Variants in ST7 observed in about 807,000 individuals in gnomAD.
The protein encoded by ST7 is suppression of tumorigenicity 7, also known as suppressor of tumorigenicity 7 protein.
Under a neutral mutation model 78.7 loss-of-function variants are expected in ST7, and 28 were observed. The observed-to-expected ratio is 0.36, with a 90% CI of 0.26 to 0.49. ST7 has a LOEUF of 0.49. Among genes scored for constraint, ST7 ranks in the 20% least tolerant of loss-of-function variants. ST7 has a pLI of 0.99. For missense variants in ST7, 418 were observed against 696.0 expected (o/e 0.60, Z 4.49); for synonymous variants, 247 against 249.6 (o/e 0.99, Z 0.10).
At chr7:117,118,315 A>G (rs904543941) in intron 2 of ST7, 4 of 152,262 alleles carry the variant, frequency 2.6e-5, no homozygotes, top group Admixed American at 2.6e-4. Flanking sequence ...ATTTCATGTA[A>G]GGGATACTCA....
At chr7:117,133,204 C>T (rs1485084773) in intron 6 of ST7, among the ~76,000 whole-genome samples, 1 of 151,832 alleles carries the variant, frequency 6.6e-6, no homozygotes, top group African/African-American at 2.4e-5. Flanking sequence ...GGGAAGTCTG[C>T]CTTCTTCCCC....
intron 13 of ST7, among the ~76,000 whole-genome samples, chr7:117,212,305 A>G (rs1792360787): frequency 6.6e-6 from 1 of 152,204 alleles, no homozygotes; most frequent in Non-Finnish European, 1.5e-5. Context: ...GTTCATTGAG[A>G]TCGGTGTCTT....
At chr7:117,059,128 C>G (rs1798213741) in intron 1 of ST7, among the ~76,000 whole-genome samples, 1 of 152,104 alleles carries the variant, frequency 6.6e-6, no homozygotes, top group Non-Finnish European at 1.5e-5. Context: ...TATTTGCCAG[C>G]ACAATGAGGT....
intron 2 of ST7, among the ~76,000 whole-genome samples, chr7:117,113,264 G>C (rs751798608): frequency 4.6e-5 from 7 of 152,226 alleles, no homozygotes; most frequent in Non-Finnish European, 1.0e-4. Flanking sequence ...GTGAAGACTA[G>C]AATTTAAATT....
chr7:117,077,833 T>C (rs983356760), intron 1 of ST7, among the ~76,000 whole-genome samples: 5 of 150,744 alleles, frequency 3.3e-5, no homozygotes, highest in African/African-American at 7.4e-5. Context: ...GAAAGAGGTA[T>C]TGATTTCTTT....
intron 1 of ST7, among the ~76,000 whole-genome samples, chr7:117,097,908 A>ATATATATATTTTTTTTTT: frequency 3.3e-5 from 1 of 30,012 alleles, no homozygotes; most frequent in Non-Finnish European, 5.4e-5. Flanking sequence ...ATATATATAT[A>ATATATATATTTTTTTTTT]TTTTTTTTTT....
intron 1 of ST7, among the ~76,000 whole-genome samples, chr7:116,977,487 A>T (rs1322906488): frequency 1.3e-5 from 2 of 152,246 alleles, no homozygotes; most frequent in East Asian, 3.8e-4. Context: ...TGCCTTGTAA[A>T]TATAATCTAA....
chr7:117,172,387 T>C (rs1015023914), intron 10 of ST7, among the ~76,000 whole-genome samples: 1 of 152,210 alleles, frequency 6.6e-6, no homozygotes, highest in African/African-American at 2.4e-5. Context: ...TTCTCAAATA[T>C]ATGGAAACGA....
intron 12 of ST7, among the ~76,000 whole-genome samples, chr7:117,196,043 T>C (rs1298019689): frequency 1.3e-5 from 2 of 152,246 alleles, no homozygotes; most frequent in African/African-American, 4.8e-5. Flanking sequence ...CTTATTTTAG[T>C]TAGCATAATG....
At chr7:117,155,302 T>C (rs1276921430) in intron 9 of ST7, among the ~76,000 whole-genome samples, 1 of 152,106 alleles carries the variant, frequency 6.6e-6, no homozygotes, top group East Asian at 1.9e-4. Context: ...ATGAGATGAA[T>C]TTGAAAAGGC....
chr7:116,985,096 T>C (rs1244222812), intron 1 of ST7, among the ~76,000 whole-genome samples: 1 of 152,154 alleles, frequency 6.6e-6, no homozygotes, highest in African/African-American at 2.4e-5. Flanking sequence ...TGTTGACCTT[T>C]GAGAATTGTA....
In ST7 at chr7:117,108,925, C is replaced by A. The variant is rs1303131377; in HGVS notation, c.234+9081C>A. On this transcript the variant is annotated intron_variant, in intron 2 of 15. Coordinates refer to ENST00000323984, the MANE Select transcript of ST7 (RefSeq NM_001369598.1). ...TGGTCGCTGTTGGTGTATAGCAGGGCTACTAATTTGCGTACATTAATTTTG... is the reference window on the plus strand; with the variant it reads ...TGGTCGCTGTTGGTGTATAGCAGGGATACTAATTTGCGTACATTAATTTTG... Among the ~76,000 whole-genome samples the A allele has an allele frequency of 4.6e-5, 7 of 152,092 alleles. No individual in the cohort carries two copies. In the East Asian group the frequency reaches 1.3e-3, roughly 29 times the overall value.
chr7:116,960,103 G>C (rs1474774030), intron 1 of ST7, among the ~76,000 whole-genome samples: 1 of 151,910 alleles, frequency 6.6e-6, no homozygotes, highest in African/African-American at 2.4e-5. Context: ...TGATGCTATG[G>C]CTCTTTCTTA....
Position 117,136,160 on chromosome 7 carries a change from C to G in ST7, c.790C>G (p.Leu264Val). 1 of 1,613,612 alleles carries G rather than the reference C, an allele frequency of 6.2e-7. No individual in the cohort carries two copies. The highest frequency in any genetic ancestry group is 8.5e-7 in the Non-Finnish European group (1 of 1,179,688). The change falls in exon 8 of 16, where the codon CTG becomes GTG. Residue 264 changes from leucine (L) to valine (V), a missense_variant. Around this residue, in one of 4 missense-constraint regions of ST7, gnomAD observed 288 missense variants for 537.1 expected, o/e 0.54. Coordinates refer to ENST00000323984, the MANE Select transcript of ST7 (RefSeq NM_001369598.1). ...AEAEKLFKQA[L>V]KAGDGCYRRS... is the part of the protein sequence containing the mutation. ...AGCAGAAAAATTATTTAAGCAGGCC[C>G]TGAAGGCTGGAGATGGCTGTTACCG...
In ST7 at chr7:117,085,940, G is replaced by A. The variant is rs146184853; in HGVS notation, c.152-13822G>A. 5.3e-3 allele frequency among the ~76,000 whole-genome samples: 807 copies of A among 152,058 alleles called. 16 individuals are homozygous for A. Among genetic ancestry groups the A allele is most frequent in the East Asian group, 0.026 (134 of 5,176 alleles). Reference sequence around the variant, plus strand: ...AATTAAATTTAAAAAATTAATTAAAGCATTAAAAACTAGAGAAAATAGACA... The same window carrying A: ...AATTAAATTTAAAAAATTAATTAAAACATTAAAAACTAGAGAAAATAGACA... On this transcript the variant is annotated intron_variant, in intron 1 of 15. Transcript: ENST00000323984.
intron 1 of ST7, chr7:117,020,226 G>C: frequency 4.2e-6 from 1 of 236,918 alleles, no homozygotes. Flanking sequence ...TTGTCTTACT[G>C]CTACAGCAGG....
chr7:117,175,015 A>G (rs889609105), intron 10 of ST7, among the ~76,000 whole-genome samples: 3 of 152,194 alleles, frequency 2.0e-5, no homozygotes, highest in African/African-American at 4.8e-5. Context: ...AATTTCAGTG[A>G]CGCCTCATTG....
intron 1 of ST7, among the ~76,000 whole-genome samples, chr7:117,029,518 T>G (rs568925609): frequency 6.6e-6 from 1 of 152,298 alleles, no homozygotes; most frequent in Admixed American, 6.5e-5. Context: ...TTGACAATAT[T>G]TTCTTATAGT....
chr7:117,014,871 G>A (rs1419501736), intron 1 of ST7: 4 of 625,734 alleles, frequency 6.4e-6, no homozygotes, highest in Non-Finnish European at 9.5e-6. Context: ...ATAAGCAGAA[G>A]TGTGGGTGTG....
Sources: allele counts gnomAD v4.1 joint callset (sites outside exome capture counted in the v4.1 genomes callset), GRCh38; gene constraint gnomAD v4.1.1; regional missense constraint gnomAD v4.1.1; transcripts MANE v1.5; gene names NCBI Gene and HGNC (gene_info 2026-07-23, HGNC 2026-07-21).